Variants in PRDM6 observed in about 807,000 individuals in gnomAD.
PRDM6 encodes the protein PR/SET domain 6, also known as putative histone-lysine N-methyltransferase PRDM6.
A neutral mutation model predicts 60.8 loss-of-function variants in PRDM6; 25 were observed. That is an observed-to-expected ratio of 0.41 (90% CI 0.30 to 0.57). PRDM6 has a LOEUF of 0.57. PRDM6 is among the 20% of genes least tolerant of loss of function. PRDM6 has a pLI of 0.27. For synonymous variants in PRDM6, 407 were observed against 357.4 expected (o/e 1.14, Z -1.57); for missense variants, 839 against 821.3 (o/e 1.02, Z -0.26).
chr5:123,098,412 G>C (rs1248967884), intron 2 of PRDM6, among the ~76,000 whole-genome samples: 1 of 152,270 alleles, frequency 6.6e-6, no homozygotes, highest in Non-Finnish European at 1.5e-5. Flanking sequence ...CACCTTCTCG[G>C]GGCAGGCCAT....
Position 123,155,942 on chromosome 5 carries a change from C to T in PRDM6, c.959C>T (p.Ser320Leu), listed in dbSNP as rs1459556704. ...ATTGATGGTGGGGAACCTAGTAAGTCGAGCTGGATGAGGTATATCCGATGT... is the reference window on the plus strand; with the variant it reads ...ATTGATGGTGGGGAACCTAGTAAGTTGAGCTGGATGAGGTATATCCGATGT... ...HFIDGGEPSK[S>L]SWMRYIRCAR... The change falls in exon 4 of 8, where the codon TCG becomes TTG. Residue 320 changes from serine (S) to leucine (L), a missense_variant. Coordinates refer to ENST00000407847, the MANE Select transcript of PRDM6 (RefSeq NM_001136239.4). The T allele has an allele frequency of 4.5e-6, 7 of 1,551,548 alleles. No homozygotes were observed. The highest frequency in any genetic ancestry group is 3.5e-6 in the Non-Finnish European group (4 of 1,146,886).
At chr5:123,094,045 C>T (rs1166978388) in intron 2 of PRDM6, among the ~76,000 whole-genome samples, 2 of 151,942 alleles carry the variant, frequency 1.3e-5, no homozygotes, top group African/African-American at 4.8e-5. Context: ...CCGGTGTGTG[C>T]ATGGGTGTGG....
intron 3 of PRDM6, among the ~76,000 whole-genome samples, chr5:123,136,026 G>A (rs1470238162): frequency 6.6e-6 from 1 of 152,190 alleles, no homozygotes; most frequent in Non-Finnish European, 1.5e-5. Flanking sequence ...GACGGTCTAA[G>A]ATCTTACGGT....
chr5:123,132,459 C>G (rs2150223989), intron 3 of PRDM6, among the ~76,000 whole-genome samples: 1 of 152,062 alleles, frequency 6.6e-6, no homozygotes, highest in Middle Eastern at 3.4e-3. Context: ...GTTTTGAAAT[C>G]TTGGATTTTC....
chr5:123,139,977 AC>A (rs1204318947), intron 3 of PRDM6, among the ~76,000 whole-genome samples: 1 of 152,062 alleles, frequency 6.6e-6, no homozygotes, highest in Non-Finnish European at 1.5e-5. Flanking sequence ...CACACTTGTA[AC>A]CCTTATTTCA....
chr5:123,172,440 A>G (rs926395756), intron 6 of PRDM6, among the ~76,000 whole-genome samples: 5 of 152,194 alleles, frequency 3.3e-5, no homozygotes, highest in Non-Finnish European at 7.3e-5. Flanking sequence ...TGGTGAGAGT[A>G]TCAACAGACT....
At chr5:123,173,936 A>C (rs958821038) in intron 6 of PRDM6, among the ~76,000 whole-genome samples, 11 of 152,238 alleles carry the variant, frequency 7.2e-5, no homozygotes, top group African/African-American at 2.7e-4. Context: ...AACGGAAAAA[A>C]TGTACAGAAC....
intron 3 of PRDM6, among the ~76,000 whole-genome samples, chr5:123,123,394 G>A (rs140083836): frequency 6.6e-6 from 1 of 152,288 alleles, no homozygotes; most frequent in East Asian, 1.9e-4. Flanking sequence ...TCTCATTCCA[G>A]AGATTAAGGA....
chr5:123,187,056 T>C (rs1055598167), intron 7 of PRDM6, 31 bp from the exon 8 acceptor site: 4 of 1,508,746 alleles, frequency 2.7e-6, no homozygotes, highest in South Asian at 2.4e-5. Context: ...CCCCGCTCCC[T>C]GGTCTCAATT....
chr5:123,170,245 C>T (rs1765854750), intron 5 of PRDM6, among the ~76,000 whole-genome samples: 1 of 152,194 alleles, frequency 6.6e-6, no homozygotes, highest in Non-Finnish European at 1.5e-5. Context: ...CTTCTCCTGC[C>T]TCCAGGTGTC....
intron 3 of PRDM6, among the ~76,000 whole-genome samples, chr5:123,129,067 TG>T (rs202167454): frequency 0.011 from 1,737 of 152,296 alleles, 34 homozygotes; most frequent in African/African-American, 0.04. Flanking sequence ...AAAGATCAGA[TG>T]GTTGTAGATG....
At chr5:123,098,381 C>G (rs964177163) in intron 2 of PRDM6, among the ~76,000 whole-genome samples, 1 of 152,248 alleles carries the variant, frequency 6.6e-6, no homozygotes, top group Admixed American at 6.5e-5. Context: ...GAGGCTGGGT[C>G]GCGCCGGCGG....
intron 7 of PRDM6, among the ~76,000 whole-genome samples, chr5:123,181,777 C>T (rs973242423): frequency 1.3e-5 from 2 of 152,158 alleles, no homozygotes; most frequent in African/African-American, 2.4e-5. Context: ...GACCTGCTGT[C>T]GTGGCGCACT....
intron 5 of PRDM6, among the ~76,000 whole-genome samples, chr5:123,167,465 C>T (rs1179606159): frequency 6.6e-6 from 1 of 152,126 alleles, no homozygotes; most frequent in African/African-American, 2.4e-5. Flanking sequence ...TCTCGGCTCA[C>T]CGCAACCTCT....
At chr5:123,127,022 C>T (rs1335418144) in intron 3 of PRDM6, among the ~76,000 whole-genome samples, 1 of 152,066 alleles carries the variant, frequency 6.6e-6, no homozygotes, top group Non-Finnish European at 1.5e-5. Flanking sequence ...ACTGACCCTA[C>T]CCCACTCCCA....
chr5:123,140,880 G>T, intron 3 of PRDM6, among the ~76,000 whole-genome samples: 1 of 152,128 alleles, frequency 6.6e-6, no homozygotes, highest in East Asian at 1.9e-4. Context: ...TTAATTATAG[G>T]TATTATTATT....
intron 3 of PRDM6, among the ~76,000 whole-genome samples, chr5:123,111,663 G>C (rs886516397): frequency 6.6e-6 from 1 of 150,778 alleles, no homozygotes; most frequent in Admixed American, 6.6e-5. Flanking sequence ...GCACCGCTGC[G>C]TTCCAGCAGG....
rs192911867 is a variant in PRDM6 at position 123,138,938 on chromosome 5, G to A, written c.901-16946G>A. The stretch of plus-strand genomic sequence containing the variant: ...TCTTGAACTGTAATCCTCACGTGTC[G>A]AGGGAGTGAGATGATTGAATCATGG... On this transcript the variant is annotated intron_variant, in intron 3 of 7. Coordinates refer to ENST00000407847, the MANE Select transcript of PRDM6 (RefSeq NM_001136239.4). 1.5e-3 allele frequency among the ~76,000 whole-genome samples: 222 copies of A among 152,292 alleles called. 1 individual carries two copies. The highest frequency in any genetic ancestry group is 3.1e-3 in the Admixed American group (48 of 15,296).
intron 2 of PRDM6, among the ~76,000 whole-genome samples, chr5:123,095,043 A>G (rs755119525): frequency 3.9e-5 from 6 of 152,194 alleles, no homozygotes; most frequent in Non-Finnish European, 7.3e-5. Context: ...AGTTCCTGAG[A>G]GAATTCCCAG....
Sources: gnomAD v4.1 joint callset for allele counts (sites outside exome capture counted in the v4.1 genomes callset) on GRCh38, gnomAD v4.1.1 for gene constraint, MANE v1.5 for transcripts, NCBI Gene and HGNC (gene_info 2026-07-23, HGNC 2026-07-21) for gene names.